The following NRP1 variants were observed in gnomAD, a reference collection of about 807,000 sequenced individuals.
NRP1 encodes neuropilin 1.
Under a neutral mutation model 106.7 loss-of-function variants are expected in NRP1, and 35 were observed. The observed-to-expected ratio is 0.33, with a 90% CI of 0.25 to 0.43. The LOEUF (loss-of-function observed/expected upper bound fraction) is 0.43, where lower values mean the gene tolerates loss of function less well. NRP1 is among the 20% of genes least tolerant of loss of function. The probability of loss-of-function intolerance (pLI) is 1.00; values close to 1 mark genes in which losing one functional copy is unlikely to be tolerated. For missense variants in NRP1, 1,024 were observed against 1,170.4 expected, an observed-to-expected ratio of 0.87 and a Z score of 1.83; for synonymous variants, 437 against 417.9, an observed-to-expected ratio of 1.05 and a Z score of -0.56.
intron 6 of NRP1, among the ~76,000 whole-genome samples, chr10:33,237,518 A>ACACACAAATCC: frequency 7.2e-6 from 1 of 138,862 alleles, no homozygotes; most frequent in South Asian, 2.3e-4. Flanking sequence ...CACACACACA[A>ACACACAAATCC]ATCCCACCCA....
At chr10:33,261,884 C>T (rs1842598217) in intron 4 of NRP1, among the ~76,000 whole-genome samples, 1 of 152,096 alleles carries the variant, frequency 6.6e-6, no homozygotes, top group African/African-American at 2.4e-5. Context: ...TATAGGCCTG[C>T]ACCACCATGC....
rs1182856724 is a variant in NRP1 at position 33,186,366 on chromosome 10, A to T, written c.2185T>A (p.Ser729Thr). The T allele has an allele frequency of 6.2e-7, 1 of 1,613,968 alleles. No individual in the cohort carries two copies. Residue 729 changes from serine (S) to threonine (T), a missense_variant, in exon 14 of 17, where the codon TCT becomes ACT. Physicochemically the swap from Ser to Thr is moderately conservative, Grantham distance 58 (BLOSUM62 1). Around this residue, in one of 5 missense-constraint regions of NRP1, gnomAD observed 562 missense variants for 620.3 expected, o/e 0.91. Coordinates refer to ENST00000374867, the MANE Select transcript of NRP1 (RefSeq NM_003873.7). ...AHCMTFWYHM[S>T]GSHVGTLRVK... ...CTGAGTGTGCCGACGTGGGACCCAGACATGTGATACCAGAAGGTCATGCAG... is the reference window on the plus strand; with the variant it reads ...CTGAGTGTGCCGACGTGGGACCCAGTCATGTGATACCAGAAGGTCATGCAG...
chr10:33,249,281 G>A (rs1460506252), intron 6 of NRP1: 1 of 318,838 alleles, frequency 3.1e-6, no homozygotes, highest in African/African-American at 2.2e-5. Flanking sequence ...CAATGGCTAC[G>A]TTCAGGATCT....
intron 6 of NRP1, among the ~76,000 whole-genome samples, chr10:33,244,365 C>T (rs1841260128): frequency 1.3e-5 from 2 of 152,130 alleles, no homozygotes; most frequent in African/African-American, 2.4e-5. Flanking sequence ...CAATTATTAC[C>T]GCTGGGACAG....
chr10:33,292,156 A>G (rs2132635848), intron 2 of NRP1, among the ~76,000 whole-genome samples: 1 of 152,282 alleles, frequency 6.6e-6, no homozygotes, highest in East Asian at 1.9e-4. Flanking sequence ...TCAGCCTCTC[A>G]AAGTGCTGGG....
At chr10:33,295,738 A>C (rs1175385095) in intron 2 of NRP1, among the ~76,000 whole-genome samples, 1 of 152,186 alleles carries the variant, frequency 6.6e-6, no homozygotes, top group African/African-American at 2.4e-5. Flanking sequence ...TCCCTGTATT[A>C]TATTTTGGGG....
At chr10:33,246,349 G>C (rs572411330) in intron 6 of NRP1, among the ~76,000 whole-genome samples, 3 of 152,146 alleles carry the variant, frequency 2.0e-5, no homozygotes, top group African/African-American at 7.2e-5. Flanking sequence ...AAGTTCCTCA[G>C]GACACTGTAG....
At chr10:33,275,669 A>C (rs1564447111) in intron 2 of NRP1, among the ~76,000 whole-genome samples, 1 of 151,762 alleles carries the variant, frequency 6.6e-6, no homozygotes. Flanking sequence ...AGGCTGAGGC[A>C]AAAGGATTGC....
chr10:33,201,592 G>A (rs1418904092), intron 11 of NRP1: 2 of 152,132 alleles, frequency 1.3e-5, no homozygotes, highest in Non-Finnish European at 2.9e-5. Context: ...AACTTGACAT[G>A]TTACACAGAA....
intron 6 of NRP1, chr10:33,249,531 G>A (rs772667599): frequency 8.1e-5 from 43 of 530,008 alleles, no homozygotes; most frequent in Non-Finnish European, 7.0e-5. Context: ...ACTGATACAC[G>A]GAGTCTGTAT....
intron 2 of NRP1, among the ~76,000 whole-genome samples, chr10:33,297,978 G>A (rs562894635): frequency 2.0e-5 from 3 of 151,986 alleles, no homozygotes; most frequent in Admixed American, 6.6e-5. Context: ...TTTTCCTGTT[G>A]ATACTATACT....
intron 2 of NRP1, among the ~76,000 whole-genome samples, chr10:33,279,884 A>G (rs975723977): frequency 6.6e-6 from 1 of 152,188 alleles, no homozygotes; most frequent in African/African-American, 2.4e-5. Context: ...AGGCTATTTC[A>G]ATGTCCTCTC....
intron 2 of NRP1, among the ~76,000 whole-genome samples, chr10:33,281,395 G>A (rs974496139): frequency 4.6e-5 from 7 of 151,798 alleles, no homozygotes; most frequent in Non-Finnish European, 7.4e-5. Flanking sequence ...TTTTATCACA[G>A]TCATGCAGAG....
chr10:33,334,262 C>A (rs1437525474), intron 1 of NRP1, 48 bp downstream of exon 1: 6 of 1,516,880 alleles, frequency 4.0e-6, no homozygotes, highest in African/African-American at 1.4e-5. Flanking sequence ...GGGCGGGCAG[C>A]TGGGAGCCGG....
At chr10:33,302,038 G>C (rs1161587014) in intron 2 of NRP1, among the ~76,000 whole-genome samples, 1 of 152,042 alleles carries the variant, frequency 6.6e-6, no homozygotes, top group Non-Finnish European at 1.5e-5. Context: ...AGAGAGAAAG[G>C]AGTTTTGATT....
At position 33,254,205 on chromosome 10, in the gene NRP1, A is replaced by G. The variant is rs1206060289; in HGVS notation, c.815-11T>C. The stretch of plus-strand genomic sequence containing the variant: ...CCATACATTTGAAATCTGAAGGGAA[A>G]AACAGGGCCCACAGTCATCAAAATA... On this transcript the variant is annotated splice_polypyrimidine_tract_variant and intron_variant, in intron 5 of 16. Transcript: ENST00000374867. 6.2e-7 allele frequency: 1 copy of G among 1,606,462 alleles called. No individual in the cohort carries two copies. The highest frequency in any genetic ancestry group is 2.2e-5 in the East Asian group (1 of 44,808).
chr10:33,267,007 G>A (rs1214820620), intron 3 of NRP1, among the ~76,000 whole-genome samples: 1 of 152,164 alleles, frequency 6.6e-6, no homozygotes, highest in East Asian at 1.9e-4. Flanking sequence ...ACTCCAGCCT[G>A]AGCAACAGAG....
At chr10:33,293,742 C>A (rs1420543549) in intron 2 of NRP1, among the ~76,000 whole-genome samples, 1 of 152,202 alleles carries the variant, frequency 6.6e-6, no homozygotes, top group Non-Finnish European at 1.5e-5. Flanking sequence ...TGCTCGCGTG[C>A]ATGCACACAC....
chr10:33,308,112 C>G (rs138684051), intron 2 of NRP1, among the ~76,000 whole-genome samples: 4 of 151,782 alleles, frequency 2.6e-5, no homozygotes, highest in Non-Finnish European at 5.9e-5. Context: ...AACTAGTGCA[C>G]GAACAGAAAA....
Sources: gnomAD v4.1 joint callset for allele counts (sites outside exome capture counted in the v4.1 genomes callset) on GRCh38, gnomAD v4.1.1 for gene constraint, gnomAD v4.1.1 regional missense constraint, MANE v1.5 for transcripts, NCBI Gene and HGNC (gene_info 2026-07-23, HGNC 2026-07-21) for gene names.